Variants in RUNDC3B observed in about 807,000 individuals in gnomAD.
RUNDC3B encodes RUN domain-containing protein 3B.
In RUNDC3B, 33 loss-of-function variants were observed where a neutral mutation model predicts 58.4. That is an observed-to-expected ratio of 0.56 (90% CI 0.43 to 0.75). The LOEUF is 0.75. RUNDC3B is among the 30% of genes least tolerant of loss of function. RUNDC3B has a pLI of 0.00. For synonymous variants in RUNDC3B, 193 were observed against 195.2 expected (o/e 0.99, Z 0.10); for missense variants, 501 against 535.7 (o/e 0.94, Z 0.64).
intron 2 of RUNDC3B, among the ~76,000 whole-genome samples, chr7:87,680,253 C>T (rs1826794714): frequency 6.6e-6 from 1 of 150,540 alleles, no homozygotes; most frequent in Admixed American, 6.6e-5. Context: ...GTATGTGCCA[C>T]ATTTTCTTAA....
chr7:87,700,593 T>C, intron 3 of RUNDC3B, 39 bp downstream of exon 3: 2 of 1,572,946 alleles, frequency 1.3e-6, no homozygotes, highest in Non-Finnish European at 1.7e-6. Flanking sequence ...ATTTTTTTTT[T>C]CATTGCATGT....
At chr7:87,629,131 G>A in intron 1 of RUNDC3B, 186 bp downstream of exon 1, 1 of 465,464 alleles carries the variant, frequency 2.1e-6, no homozygotes, top group Non-Finnish European at 3.6e-6. Flanking sequence ...CACCGTCGCA[G>A]CCCTGGACTT....
chr7:87,669,455 G>T (rs1216367603), intron 2 of RUNDC3B, among the ~76,000 whole-genome samples: 1 of 152,106 alleles, frequency 6.6e-6, no homozygotes, highest in Non-Finnish European at 1.5e-5. Context: ...TTTAAGTGGG[G>T]CATTTAGCCC....
chr7:87,813,299 C>T lies in RUNDC3B; in HGVS notation c.1104-2842C>T, dbSNP rs368259505. ...CTAAAAAGAACCTCAGTAGGTCACG[C>T]AGAAAGCTCATTTCATGTTACTATT... is the stretch of plus-strand genomic sequence containing the variant. On this transcript the variant is annotated intron_variant, in intron 9 of 10. Transcript: ENST00000394654. Among the ~76,000 whole-genome samples, 5 of 152,276 alleles carry T rather than the reference C, an allele frequency of 3.3e-5. No homozygotes were observed. The South Asian group carries it at 1.0e-3, about 32-fold the overall frequency.
intron 8 of RUNDC3B, among the ~76,000 whole-genome samples, chr7:87,802,165 G>A (rs752153128): frequency 6.6e-6 from 1 of 152,136 alleles, no homozygotes; most frequent in Non-Finnish European, 1.5e-5. Flanking sequence ...GCCAAGGTTG[G>A]CGGATCACTT....
At chr7:87,813,124 A>G (rs536667083) in intron 9 of RUNDC3B, among the ~76,000 whole-genome samples, 2 of 152,338 alleles carry the variant, frequency 1.3e-5, no homozygotes, top group South Asian at 4.1e-4. Flanking sequence ...AATGTTTATT[A>G]TTGCTTCAGA....
At chr7:87,665,833 A>G (rs1030496478) in intron 2 of RUNDC3B, among the ~76,000 whole-genome samples, 7 of 152,102 alleles carry the variant, frequency 4.6e-5, no homozygotes, top group African/African-American at 1.7e-4. Flanking sequence ...AGGAATGATG[A>G]TCTCCAGCTT....
intron 8 of RUNDC3B, among the ~76,000 whole-genome samples, chr7:87,790,104 C>T (rs1488028506): frequency 2.6e-5 from 4 of 152,290 alleles, no homozygotes; most frequent in African/African-American, 9.6e-5. Flanking sequence ...TCAGGTATGA[C>T]CTAGTGCAGT....
At chr7:87,682,466 A>G (rs1054369122) in intron 2 of RUNDC3B, among the ~76,000 whole-genome samples, 1 of 152,210 alleles carries the variant, frequency 6.6e-6, no homozygotes, top group African/African-American at 2.4e-5. Flanking sequence ...TTTCAATAGT[A>G]AGACTTGGGT....
intron 1 of RUNDC3B, among the ~76,000 whole-genome samples, chr7:87,633,363 A>G (rs1821416741): frequency 1.3e-5 from 2 of 152,212 alleles, no homozygotes; most frequent in South Asian, 4.1e-4. Flanking sequence ...CTATACATAG[A>G]ATAATGTAAT....
chr7:87,702,142 C>CAAA (rs146127516), intron 3 of RUNDC3B, among the ~76,000 whole-genome samples: 454 of 16,736 alleles, frequency 0.027, 115 homozygotes, highest in Middle Eastern at 0.15. Flanking sequence ...GACTCTGTCT[C>CAAA]AAAAAAAAAA....
rs186694792 is a variant in RUNDC3B at position 87,714,385 on chromosome 7, G to T, written c.458+3730G>T. 7.2e-5 allele frequency among the ~76,000 whole-genome samples: 11 copies of T among 152,256 alleles called. No homozygotes were observed. In the East Asian group the frequency reaches 2.1e-3, roughly 29 times the overall value. On this transcript the variant is annotated intron_variant, in intron 4 of 10. Transcript: ENST00000394654. The stretch of plus-strand genomic sequence containing the variant: ...GTTAGTGAGGGATTTAGGGTCATTT[G>T]ATTATGAGGTGAGATGGTCACATGG...
chr7:87,649,426 A>C (rs1823352272), intron 1 of RUNDC3B, among the ~76,000 whole-genome samples: 1 of 152,190 alleles, frequency 6.6e-6, no homozygotes, highest in South Asian at 2.1e-4. Flanking sequence ...AATAAGATGA[A>C]GATTGAAAAC....
At chr7:87,693,781 A>G (rs1828230206) in intron 2 of RUNDC3B, 3 of 765,792 alleles carry the variant, frequency 3.9e-6, no homozygotes, top group Non-Finnish European at 6.3e-6. Flanking sequence ...TTAGTAGGTA[A>G]AAGTAGTGTT....
At chr7:87,707,584 G>T (rs891658562) in intron 3 of RUNDC3B, among the ~76,000 whole-genome samples, 2 of 152,108 alleles carry the variant, frequency 1.3e-5, no homozygotes, top group East Asian at 3.9e-4. Flanking sequence ...TGAGGTGGGA[G>T]GGTCACTTGA....
At chr7:87,730,050 C>T (rs1831487571) in intron 4 of RUNDC3B, among the ~76,000 whole-genome samples, 1 of 152,140 alleles carries the variant, frequency 6.6e-6, no homozygotes, top group African/African-American at 2.4e-5. Context: ...GACTTAAGAG[C>T]CCTTGGGCCT....
At chr7:87,814,609 A>G (rs1231268954) in intron 9 of RUNDC3B, among the ~76,000 whole-genome samples, 1 of 152,182 alleles carries the variant, frequency 6.6e-6, no homozygotes, top group Non-Finnish European at 1.5e-5. Flanking sequence ...GTTCATATAT[A>G]TAATATATGT....
At chr7:87,635,543 C>T (rs1584958124) in intron 1 of RUNDC3B, among the ~76,000 whole-genome samples, 1 of 152,138 alleles carries the variant, frequency 6.6e-6, no homozygotes, top group African/African-American at 2.4e-5. Context: ...TCAACCACTA[C>T]GAGATATGTA....
intron 2 of RUNDC3B, among the ~76,000 whole-genome samples, chr7:87,670,097 A>G (rs967542849): frequency 6.6e-6 from 1 of 152,114 alleles, no homozygotes; most frequent in African/African-American, 2.4e-5. Context: ...CCTCCCTTTC[A>G]GGAATGCCAG....
Sources: allele counts gnomAD v4.1 joint callset (sites outside exome capture counted in the v4.1 genomes callset), GRCh38; gene constraint gnomAD v4.1.1; transcripts MANE v1.5; gene names NCBI Gene and HGNC (gene_info 2026-07-23, HGNC 2026-07-21).